Variants in IMMP2L observed in about 807,000 individuals in gnomAD.
IMMP2L encodes the protein inner mitochondrial membrane peptidase subunit 2.
IMMP2L carries 18 observed loss-of-function variants against 19.3 expected under a neutral mutation model. The ratio of observed to expected loss-of-function variants is 0.93; its 90% CI spans 0.64 to 1.38. The LOEUF is 1.38. IMMP2L is among the 40% of genes most tolerant of loss of function. The pLI is 0.00. For synonymous variants in IMMP2L, 76 were observed against 73.0 expected (o/e 1.04, Z -0.21); for missense variants, 233 against 218.2 (o/e 1.07, Z -0.43).
At position 110,886,643 on chromosome 7, in the gene IMMP2L, C is replaced by G; in HGVS notation, c.358G>C (p.Val120Leu). 6.2e-7 allele frequency: 1 copy of G among 1,610,724 alleles called. No individual in the cohort carries two copies. Among genetic ancestry groups the G allele is most frequent in the Non-Finnish European group, 8.5e-7 (1 of 1,177,122 alleles). Residue 120 changes from valine (V) to leucine (L), a missense_variant, in exon 5 of 6, where the codon GTT (valine) becomes CTT (leucine). By Grantham distance (32) the Val-to-Leu change is conservative (BLOSUM62 1). Transcript: ENST00000405709. The part of the protein sequence containing the change: ...YVKVPRGHIW[V>L]EGDHHGHSFD... ...CTGTGTCCATGATGATCACCTTCAA[C>G]CCAGATGTGACCACGGGGGACTTTG... is the stretch of plus-strand genomic sequence containing the variant.
intron 3 of IMMP2L, among the ~76,000 whole-genome samples, chr7:111,258,040 T>G (rs1001396632): frequency 3.3e-5 from 5 of 152,236 alleles, no homozygotes; most frequent in African/African-American, 1.2e-4. Context: ...TAAAACACCT[T>G]TCTCTAAAGG....
At chr7:110,897,463 G>A (rs1334547186) in intron 4 of IMMP2L, among the ~76,000 whole-genome samples, 1 of 152,140 alleles carries the variant, frequency 6.6e-6, no homozygotes, top group East Asian at 1.9e-4. Flanking sequence ...GCTGGCATAG[G>A]TATAGGAAAC....
chr7:111,172,765 T>C (rs1806593149), intron 3 of IMMP2L, among the ~76,000 whole-genome samples: 2 of 151,564 alleles, frequency 1.3e-5, no homozygotes, highest in African/African-American at 4.8e-5. Context: ...CTGTGCCTGG[T>C]TTATGTCATT....
At chr7:111,469,640 A>G (rs1428308576) in intron 3 of IMMP2L, among the ~76,000 whole-genome samples, 1 of 152,138 alleles carries the variant, frequency 6.6e-6, no homozygotes. Context: ...TCCTTATTTA[A>G]TAAATGGTGC....
chr7:110,930,085 T>C (rs1815299909), intron 4 of IMMP2L, among the ~76,000 whole-genome samples: 1 of 152,184 alleles, frequency 6.6e-6, no homozygotes, highest in South Asian at 2.1e-4. Context: ...TATATAAGAC[T>C]GAGCAGCGTA....
At position 111,374,048 on chromosome 7, in the gene IMMP2L, G is replaced by C. The variant is rs76449391; in HGVS notation, c.239+113190C>G. Among the ~76,000 whole-genome samples the C allele has an allele frequency of 8.6e-3, 1,308 of 151,898 alleles. 21 individuals are homozygous for C. Among genetic ancestry groups the C allele is most frequent in the African/African-American group, 0.03 (1,237 of 41,414 alleles). Reference sequence around the variant, plus strand: ...CCTTCCCATTTTACTCTGCAGCAAAGACCTCATTCAGTTCCTGAAAAAAGC... The same window carrying C: ...CCTTCCCATTTTACTCTGCAGCAAACACCTCATTCAGTTCCTGAAAAAAGC... On this transcript the variant is annotated intron_variant, in intron 3 of 5. Transcript: ENST00000405709.
chr7:110,778,003 T>A (rs1331941151), intron 5 of IMMP2L, among the ~76,000 whole-genome samples: 1 of 151,976 alleles, frequency 6.6e-6, no homozygotes, highest in Non-Finnish European at 1.5e-5. Flanking sequence ...TTAAAACTTC[T>A]TGGCAGTTTT....
At chr7:111,159,185 G>A (rs535910093) in intron 3 of IMMP2L, among the ~76,000 whole-genome samples, 69 of 152,190 alleles carry the variant, frequency 4.5e-4, no homozygotes, top group Non-Finnish European at 8.5e-4. Context: ...GCATGATGTC[G>A]ACTCACTGCA....
chr7:111,538,816 TAAAAAAAAAAAA>T (rs768599585), intron 1 of IMMP2L, among the ~76,000 whole-genome samples: 1 of 82,430 alleles, frequency 1.2e-5, no homozygotes, highest in Non-Finnish European at 2.4e-5. Flanking sequence ...CTGGCTCATT[TAAAAAAAAAAAA>T]AAAAAAAAAA....
rs1814660488 is a variant in IMMP2L at position 110,924,688 on chromosome 7, C to T, written c.306-37993G>A. 6.6e-6 allele frequency among the ~76,000 whole-genome samples: 1 copy of T among 152,100 alleles called. No homozygotes were observed. The highest frequency in any genetic ancestry group is 2.4e-5 in the African/African-American group (1 of 41,418). ...ATACTTAAACACCAGTGCTGAGACT[C>T]AACAATTTAAATGGCCTCATTTCTT... is the stretch of plus-strand genomic sequence containing the variant. On this transcript the variant is annotated intron_variant, in intron 4 of 5. Coordinates refer to ENST00000405709, the MANE Select transcript of IMMP2L (RefSeq NM_032549.4). The surrounding 1 kb of genome is among the most constrained non-coding windows in gnomAD (Gnocchi z 4.2).
chr7:110,705,401 T>A (rs908803189), intron 5 of IMMP2L, among the ~76,000 whole-genome samples: 9 of 152,048 alleles, frequency 5.9e-5, no homozygotes, highest in African/African-American at 2.2e-4. Context: ...GAAACATATC[T>A]GCTTGCTGTG....
chr7:111,306,276 A>C (rs997369463), intron 3 of IMMP2L, among the ~76,000 whole-genome samples: 5 of 152,186 alleles, frequency 3.3e-5, no homozygotes, highest in African/African-American at 1.2e-4. Context: ...AATGTACAAC[A>C]TCAACAGTGA....
intron 3 of IMMP2L, among the ~76,000 whole-genome samples, chr7:111,368,933 A>C (rs1322203510): frequency 6.6e-6 from 1 of 151,872 alleles, no homozygotes; most frequent in Non-Finnish European, 1.5e-5. Context: ...TTTTTTTTAA[A>C]TATGTAAAGG....
At chr7:111,537,968 T>C (rs1317045620) in intron 1 of IMMP2L, among the ~76,000 whole-genome samples, 1 of 152,046 alleles carries the variant, frequency 6.6e-6, no homozygotes, top group Non-Finnish European at 1.5e-5. Context: ...CCACCTTTCT[T>C]TGTTTTGGCC....
chr7:111,411,321 CCGAT>C (rs1834402232), intron 3 of IMMP2L: 1 of 229,162 alleles, frequency 4.4e-6, no homozygotes, highest in Admixed American at 4.7e-5. Flanking sequence ...GATGTCATTA[CCGAT>C]ATACCCAGGA....
chr7:111,512,833 CAAGAACATACAATGAGGA>C (rs1291209802), intron 2 of IMMP2L, among the ~76,000 whole-genome samples: 1 of 151,942 alleles, frequency 6.6e-6, no homozygotes, highest in Non-Finnish European at 1.5e-5. Context: ...ACAAAGATGC[CAAGAACATACAATGAGGA>C]AAGAATAGGT....
At chr7:111,508,906 G>A (rs544566646) in intron 2 of IMMP2L, among the ~76,000 whole-genome samples, 2 of 152,250 alleles carry the variant, frequency 1.3e-5, no homozygotes, top group African/African-American at 4.8e-5. Context: ...CACCCTATCT[G>A]CCTAGGCATT....
intron 4 of IMMP2L, among the ~76,000 whole-genome samples, chr7:110,943,121 G>A (rs558190160): frequency 6.6e-6 from 1 of 152,070 alleles, no homozygotes; most frequent in East Asian, 1.9e-4. Context: ...ACAGTTTCAC[G>A]CTGTCCCAAC....
chr7:110,923,092 C>G (rs1814481224), intron 4 of IMMP2L, among the ~76,000 whole-genome samples: 1 of 152,150 alleles, frequency 6.6e-6, no homozygotes, highest in Non-Finnish European at 1.5e-5. Context: ...CCTGACATAC[C>G]AGTAACTACA....
Sources: gnomAD v4.1 joint callset for allele counts (sites outside exome capture counted in the v4.1 genomes callset) on GRCh38, gnomAD v4.1.1 for gene constraint, Gnocchi (gnomAD v3.1) non-coding constraint, MANE v1.5 for transcripts, NCBI Gene and HGNC (gene_info 2026-07-23, HGNC 2026-07-21) for gene names.